Variants in CGNL1 observed in about 807,000 individuals in gnomAD.
CGNL1 encodes the protein cingulin like 1.
Under a neutral mutation model 141.2 loss-of-function variants are expected in CGNL1, and 132 were observed. The ratio of observed to expected loss-of-function variants is 0.93; its 90% CI spans 0.81 to 1.08. The LOEUF (loss-of-function observed/expected upper bound fraction) is 1.08. Ranked by LOEUF, CGNL1 falls within the 50% of genes least tolerant of loss-of-function variation. The probability of loss-of-function intolerance (pLI) is 0.00; values close to 1 mark genes in which losing one functional copy is unlikely to be tolerated. For missense variants in CGNL1, 1,870 were observed against 1,588.6 expected (o/e 1.18, Z -3.01); for synonymous variants, 690 against 622.1 (o/e 1.11, Z -1.63).
rs115162701 is a variant in CGNL1 at position 57,521,118 on chromosome 15, T to A, written c.2716-2371T>A. Among the ~76,000 whole-genome samples the A allele has an allele frequency of 6.9e-3, 1,052 of 152,276 alleles. 16 individuals are homozygous for A. Among genetic ancestry groups the A allele is most frequent in the African/African-American group, 0.024 (986 of 41,544 alleles). On this transcript the variant is annotated intron_variant, in intron 10 of 18. Coordinates refer to ENST00000281282, the MANE Select transcript of CGNL1 (RefSeq NM_032866.5). ...ATAGAGTCTCTGTAGCTACAGAGCG[T>A]TTCACTCCTGATACTGTCCACATGA... is the stretch of plus-strand genomic sequence containing the variant.
intron 1 of CGNL1, among the ~76,000 whole-genome samples, chr15:57,408,083 A>T (rs538134209): frequency 6.6e-6 from 1 of 152,092 alleles, no homozygotes; most frequent in Non-Finnish European, 1.5e-5. Flanking sequence ...TTTTCAAAAT[A>T]TGTGGCAGTG....
intron 1 of CGNL1, among the ~76,000 whole-genome samples, chr15:57,424,096 C>T (rs2062947200): frequency 6.6e-6 from 1 of 152,216 alleles, no homozygotes; most frequent in Non-Finnish European, 1.5e-5. Flanking sequence ...GGTTTGGCTC[C>T]TGCCCACTCC....
At chr15:57,499,172 G>A (rs1478895480) in intron 8 of CGNL1, among the ~76,000 whole-genome samples, 1 of 151,728 alleles carries the variant, frequency 6.6e-6, no homozygotes, top group Non-Finnish European at 1.5e-5. Flanking sequence ...GCATGGCAGT[G>A]GTAGAGGTGG....
intron 1 of CGNL1, among the ~76,000 whole-genome samples, chr15:57,397,403 C>T (rs765933339): frequency 4.6e-5 from 7 of 152,214 alleles, no homozygotes; most frequent in Non-Finnish European, 1.0e-4. Flanking sequence ...AATGGCCTTA[C>T]TGACTCCTGA....
At chr15:57,528,859 G>T in intron 13 of CGNL1, 44 bp downstream of exon 13, 1 of 1,591,854 alleles carries the variant, frequency 6.3e-7, no homozygotes. Context: ...TGCAGAGAGC[G>T]AGGCTGGGCC....
intron 8 of CGNL1, among the ~76,000 whole-genome samples, chr15:57,469,815 G>A (rs187915248): frequency 2.6e-4 from 39 of 152,266 alleles, no homozygotes; most frequent in African/African-American, 8.2e-4. Context: ...TTTTGGTACC[G>A]TGTTCCCACG....
chr15:57,550,559 T>G lies in CGNL1; in HGVS notation c.*3069T>G, dbSNP rs1285086608. On this transcript the variant is annotated 3_prime_UTR_variant, in exon 19 of 19. Transcript: ENST00000281282. Reference sequence around the variant, plus strand: ...CCTGCTTCTGAGTGTCGTTCTACAATGCCCGTTGACTTATTCCATTGCGTC... The same window carrying G: ...CCTGCTTCTGAGTGTCGTTCTACAAGGCCCGTTGACTTATTCCATTGCGTC... 1 of 152,668 alleles carries G rather than the reference T, an allele frequency of 6.6e-6. No individual in the cohort carries two copies. Among genetic ancestry groups the G allele is most frequent in the Non-Finnish European group, 1.5e-5 (1 of 68,044 alleles). 9.5% of individuals were successfully genotyped at this position (152,668 alleles called of 1,614,324 possible). A position where few individuals can be genotyped will look rare whatever the true frequency, so the allele number is the denominator to read the frequency against.
Position 57,519,105 on chromosome 15 carries a change from G to C in CGNL1, c.2715+608G>C, listed in dbSNP as rs1418801035. Among the ~76,000 whole-genome samples, 4 of 152,206 alleles carry C rather than the reference G, an allele frequency of 2.6e-5. 1 individual carries two copies. Among genetic ancestry groups the C allele is most frequent in the African/African-American group, 9.6e-5 (4 of 41,460 alleles). ...AAATCAGTAGGTTCTTAGAAAATTA[G>C]ATTTTCCCATTTGAAGTACATTCTC... On this transcript the variant is annotated intron_variant, in intron 10 of 18. Transcript: ENST00000281282.
At chr15:57,395,390 A>G (rs1001749541) in intron 1 of CGNL1, among the ~76,000 whole-genome samples, 4 of 152,150 alleles carry the variant, frequency 2.6e-5, no homozygotes, top group African/African-American at 9.7e-5. Flanking sequence ...CCAATGTGTG[A>G]CTCCTGCCAG....
At chr15:57,418,656 C>G (rs2062877858) in intron 1 of CGNL1, among the ~76,000 whole-genome samples, 1 of 152,144 alleles carries the variant, frequency 6.6e-6, no homozygotes, top group African/African-American at 2.4e-5. Context: ...TTGTCTAGTC[C>G]CCTGAGCTTG....
intron 8 of CGNL1, among the ~76,000 whole-genome samples, chr15:57,462,297 C>G (rs1320413099): frequency 6.6e-6 from 1 of 152,174 alleles, no homozygotes; most frequent in Non-Finnish European, 1.5e-5. Context: ...CTTCATCCCC[C>G]ACCCTAGTCT....
At chr15:57,415,672 G>A (rs2062840417) in intron 1 of CGNL1, among the ~76,000 whole-genome samples, 1 of 152,216 alleles carries the variant, frequency 6.6e-6, no homozygotes, top group Admixed American at 6.5e-5. Flanking sequence ...TGGAGGCAGG[G>A]TTGTTCCTGC....
intron 1 of CGNL1, chr15:57,397,109 G>A (rs1051098096): frequency 6.6e-6 from 1 of 152,200 alleles, no homozygotes; most frequent in Admixed American, 6.5e-5. Context: ...TCGGGAAGGT[G>A]ACATTTAACC....
At position 57,453,467 on chromosome 15, in the gene CGNL1, T is replaced by G. The variant is rs146741290; in HGVS notation, c.2055-216T>G. 5.9e-5 allele frequency among the ~76,000 whole-genome samples: 9 copies of G among 152,272 alleles called. No homozygotes were observed. The East Asian group carries it at 1.7e-3, about 29-fold the overall frequency. ...ACCATACCCACTTTGTTGGTTTGAG[T>G]TCTCATTTATCCTCTTGTAAGCAAT... On this transcript the variant is annotated intron_variant, in intron 6 of 18. Transcript: ENST00000281282.
At chr15:57,525,888 T>TAA (rs34635621) in intron 12 of CGNL1, among the ~76,000 whole-genome samples, 9 of 144,442 alleles carry the variant, frequency 6.2e-5, no homozygotes, top group African/African-American at 2.3e-4. Flanking sequence ...TCTTTGGTAT[T>TAA]AAAAAAAAAA....
chr15:57,485,041 G>A (rs943990592), intron 8 of CGNL1, among the ~76,000 whole-genome samples: 7 of 151,314 alleles, frequency 4.6e-5, no homozygotes, highest in Non-Finnish European at 1.0e-4. Flanking sequence ...GATTCTTGAG[G>A]TAGGAGCTTC....
At chr15:57,483,595 C>A (rs1313528817) in intron 8 of CGNL1, among the ~76,000 whole-genome samples, 9 of 151,520 alleles carry the variant, frequency 5.9e-5, no homozygotes, top group East Asian at 3.9e-4. Flanking sequence ...ATCTATATAC[C>A]TTTTGCTACT....
chr15:57,530,733 C>T (rs1430173556), intron 13 of CGNL1, among the ~76,000 whole-genome samples: 1 of 152,086 alleles, frequency 6.6e-6, no homozygotes, highest in Non-Finnish European at 1.5e-5. Flanking sequence ...TTGATCACTA[C>T]CTGGGGGCCG....
chr15:57,536,960 G>A (rs1289743039), intron 14 of CGNL1, among the ~76,000 whole-genome samples: 2 of 152,196 alleles, frequency 1.3e-5, no homozygotes, highest in East Asian at 3.8e-4. Context: ...CTTAAAATGG[G>A]TGAGGAGTTA....
Sources: allele counts gnomAD v4.1 joint callset (sites outside exome capture counted in the v4.1 genomes callset), GRCh38; gene constraint gnomAD v4.1.1; transcripts MANE v1.5; gene names NCBI Gene and HGNC (gene_info 2026-07-23, HGNC 2026-07-21).